The following ERAP2 variants were observed in gnomAD, a reference collection of about 807,000 sequenced individuals.
ERAP2 encodes the protein leukocyte-derived arginine aminopeptidase.
In ERAP2, 118 loss-of-function variants were observed where a neutral mutation model predicts 111.1. The ratio of observed to expected loss-of-function variants is 1.06; its 90% CI spans 0.92 to 1.24. The LOEUF (loss-of-function observed/expected upper bound fraction) is 1.24. Ranked by LOEUF, ERAP2 falls within the 50% of genes most tolerant of loss-of-function variation. The probability of loss-of-function intolerance (pLI) is 0.00; values close to 1 mark genes in which losing one functional copy is unlikely to be tolerated. For synonymous variants in ERAP2, 410 were observed against 401.2 expected (o/e 1.02, Z -0.26); for missense variants, 1,131 against 1,125.8 (o/e 1.00, Z -0.07).
intron 16 of ERAP2, 47 bp downstream of exon 16, chr5:96,912,845 A>C: frequency 6.7e-7 from 1 of 1,501,256 alleles, no homozygotes; most frequent in Non-Finnish European, 9.0e-7. Flanking sequence ...ACTGACACAA[A>C]TTCAGTGAAG....
At chr5:96,902,034 A>G (rs41276277) in intron 11 of ERAP2, among the ~76,000 whole-genome samples, 1,946 of 152,354 alleles carry the variant, frequency 0.013, 21 homozygotes, top group Non-Finnish European at 0.02. Context: ...AAATGACACA[A>G]GTATTTGTGG....
chr5:96,885,265 C>T (rs1783607550), intron 3 of ERAP2, among the ~76,000 whole-genome samples: 1 of 152,156 alleles, frequency 6.6e-6, no homozygotes, highest in Non-Finnish European at 1.5e-5. Context: ...GTCAGAAGAC[C>T]ACAATAATAC....
chr5:96,895,302 T>G lies in ERAP2; in HGVS notation c.1182T>G (p.Gly394=). The change falls in exon 7 of 19, where the codon GGT becomes GGG. Residue 394 remains glycine (G), a synonymous_variant. Transcript: ENST00000437043. ...GGAATGATATTTGGCTTAAGGAGGG[T>G]TTTGCAAAATACATGGAACTTATCG... is the stretch of plus-strand genomic sequence containing the variant. ...EWWNDIWLKE[G]FAKYMELIAV... 6.2e-7 allele frequency: 1 copy of G among 1,612,852 alleles called. No homozygotes were observed. Among genetic ancestry groups the G allele is most frequent in the African/African-American group, 1.3e-5 (1 of 74,958 alleles).
chr5:96,902,720 A>G (rs2151178436), intron 12 of ERAP2: 1 of 175,762 alleles, frequency 5.7e-6, no homozygotes, highest in South Asian at 1.3e-4. Flanking sequence ...TCAAGTCCTC[A>G]CTCTCTCACT....
At chr5:96,896,023 T>G (rs535427354) in intron 7 of ERAP2, among the ~76,000 whole-genome samples, 2 of 152,316 alleles carry the variant, frequency 1.3e-5, no homozygotes, top group South Asian at 4.1e-4. Flanking sequence ...ATATACCATA[T>G]CTCCCTTGCA....
At chr5:96,907,336 A>C (rs763980781) in intron 13 of ERAP2, among the ~76,000 whole-genome samples, 14 of 152,250 alleles carry the variant, frequency 9.2e-5, no homozygotes, top group Non-Finnish European at 1.9e-4. Context: ...AATTAAAAGA[A>C]ATAGGCAACT....
Position 96,892,374 on chromosome 5 carries a change from T to A in ERAP2, c.1046T>A (p.Leu349Gln), listed in dbSNP as rs1784473767. 6.2e-7 allele frequency: 1 copy of A among 1,613,972 alleles called. No individual in the cohort carries two copies. Among genetic ancestry groups the A allele is most frequent in the Non-Finnish European group, 8.5e-7 (1 of 1,179,968 alleles). ...WGLITYRETSLLFDPKTSSAS... is the reference protein window; with the variant it reads ...WGLITYRETSQLFDPKTSSAS... The stretch of plus-strand genomic sequence containing the variant: ...CTCATTACATATAGGGAGACGTCAC[T>A]GCTTTTTGACCCCAAGACCTCTTCT... Residue 349 changes from leucine (L) to glutamine (Q), a missense_variant, in exon 6 of 19, where the codon CTG (leucine) becomes CAG (glutamine). Coordinates refer to ENST00000437043, the MANE Select transcript of ERAP2 (RefSeq NM_022350.5).
chr5:96,892,475 A>G (rs1253776831), intron 6 of ERAP2, 22 bp downstream of exon 6: 2 of 1,612,864 alleles, frequency 1.2e-6, no homozygotes, highest in Non-Finnish European at 1.7e-6. Flanking sequence ...TCATGACATT[A>G]TCTCGATATC....
chr5:96,887,770 C>T (rs951534291), intron 4 of ERAP2, among the ~76,000 whole-genome samples: 4 of 152,148 alleles, frequency 2.6e-5, no homozygotes, highest in Admixed American at 6.6e-5. Flanking sequence ...AACTTCTTAT[C>T]CCAAGAGACC....
chr5:96,887,141 T>G (rs1783839468), intron 4 of ERAP2, among the ~76,000 whole-genome samples: 1 of 149,006 alleles, frequency 6.7e-6, no homozygotes, highest in Admixed American at 6.7e-5. Flanking sequence ...ATATATACCC[T>G]TTGCAAAATA....
chr5:96,886,281 G>A lies in ERAP2; in HGVS notation c.715-374G>A, dbSNP rs77268058. On this transcript the variant is annotated intron_variant, in intron 3 of 18. Transcript: ENST00000437043. ...GTACTTCTTGTACAACAAATAAAGG[G>A]AAAGGGGCCATTATCTGGTATTTTA... Among the ~76,000 whole-genome samples the A allele has an allele frequency of 4.1e-3, 628 of 152,342 alleles. 6 individuals carry two copies. The highest frequency in any genetic ancestry group is 0.015 in the African/African-American group (605 of 41,574).
intron 18 of ERAP2, among the ~76,000 whole-genome samples, chr5:96,916,157 G>A (rs1175190270): frequency 6.6e-6 from 1 of 151,734 alleles, no homozygotes; most frequent in Non-Finnish European, 1.5e-5. Context: ...GGAGGCGGAG[G>A]TTGCAGTGAG....
chr5:96,894,372 T>A (rs546045586), intron 6 of ERAP2, among the ~76,000 whole-genome samples: 2 of 152,302 alleles, frequency 1.3e-5, no homozygotes, highest in South Asian at 4.1e-4. Context: ...AAAGGAATAG[T>A]GCTTAAACTG....
chr5:96,885,870 C>G (rs1306445499), intron 3 of ERAP2, among the ~76,000 whole-genome samples: 1 of 152,238 alleles, frequency 6.6e-6, no homozygotes, highest in Non-Finnish European at 1.5e-5. Flanking sequence ...ACCCAGTGAT[C>G]TTGATAGATG....
chr5:96,897,935 G>A (rs1356960394), intron 9 of ERAP2, among the ~76,000 whole-genome samples: 2 of 152,174 alleles, frequency 1.3e-5, no homozygotes, highest in East Asian at 1.9e-4. Context: ...AATGGCTCAC[G>A]CCTGTAATCC....
intron 1 of ERAP2, 22 bp from the exon 2 acceptor site, chr5:96,879,541 AT>A: frequency 1.6e-6 from 1 of 618,676 alleles, no homozygotes; most frequent in South Asian, 2.2e-5. Flanking sequence ...TTGTCATGCT[AT>A]AAGTGTGTTT....
At chr5:96,899,800 T>C (rs999611553) in intron 9 of ERAP2, among the ~76,000 whole-genome samples, 1 of 152,138 alleles carries the variant, frequency 6.6e-6, no homozygotes, top group Non-Finnish European at 1.5e-5. Context: ...AATAATAAAA[T>C]AGGACCTTTC....
intron 17 of ERAP2, among the ~76,000 whole-genome samples, chr5:96,914,148 T>TCACACACACACACACACA (rs1554061288): frequency 0.011 from 1,641 of 148,030 alleles, 29 homozygotes; most frequent in African/African-American, 0.035. Flanking sequence ...TCTCTCTCTC[T>TCACACACACACACACACA]CACACACACA....
In ERAP2 at chr5:96,903,343, T is replaced by C. The variant is rs573980714; in HGVS notation, c.1829-34T>C. ...GAGATGTTCTGAATAAGTTTGTTGATAATAAAATGCCTATGCCAATCTTAT... is the reference window on the plus strand; with the variant it reads ...GAGATGTTCTGAATAAGTTTGTTGACAATAAAATGCCTATGCCAATCTTAT... On this transcript the variant is annotated intron_variant, in intron 12 of 18. Transcript: ENST00000437043. The C allele has an allele frequency of 3.3e-6, 5 of 1,529,154 alleles. No homozygotes were observed. The South Asian group carries it at 6.2e-5, about 19-fold the overall frequency. The allele number at this position is 1,529,154 out of a possible 1,614,324, so 94.7% of individuals were successfully genotyped here.
Sources: allele counts gnomAD v4.1 joint callset (sites outside exome capture counted in the v4.1 genomes callset), GRCh38; gene constraint gnomAD v4.1.1; transcripts MANE v1.5; gene names NCBI Gene and HGNC (gene_info 2026-07-23, HGNC 2026-07-21).